KMT2C: variants seen among roughly 807,000 people sequenced by gnomAD.
The protein encoded by KMT2C is histone-lysine N-methyltransferase 2C.
Under a neutral mutation model 507.9 loss-of-function variants are expected in KMT2C, and 88 were observed. The ratio of observed to expected loss-of-function variants is 0.17; its 90% CI spans 0.15 to 0.21. The LOEUF is 0.21. KMT2C is among the 10% of genes least tolerant of loss of function. The pLI is 1.00. For missense variants in KMT2C, 4,954 were observed against 5,957.8 expected (o/e 0.83, Z 5.55); for synonymous variants, 2,049 against 2,080.8 (o/e 0.98, Z 0.42).
chr7:152,347,214 C>T (rs1216522438), intron 2 of KMT2C, among the ~76,000 whole-genome samples: 1 of 152,226 alleles, frequency 6.6e-6, no homozygotes, highest in Non-Finnish European at 1.5e-5. Flanking sequence ...CACCTGTTTA[C>T]AAGACTGTCT....
intron 6 of KMT2C, among the ~76,000 whole-genome samples, chr7:152,301,494 T>TTC (rs2096567936): frequency 6.6e-6 from 1 of 151,834 alleles, no homozygotes; most frequent in African/African-American, 2.4e-5. Flanking sequence ...GCTGACAGTG[T>TTC]GAGACTCCAT....
At chr7:152,231,692 A>G (rs1219526412) in intron 16 of KMT2C, among the ~76,000 whole-genome samples, 3 of 151,690 alleles carry the variant, frequency 2.0e-5, no homozygotes, top group African/African-American at 7.3e-5. Flanking sequence ...GAGGCAGGAG[A>G]ATCACTTGAA....
intron 1 of KMT2C, among the ~76,000 whole-genome samples, chr7:152,433,404 T>A (rs907103447): frequency 1.4e-5 from 2 of 142,004 alleles, no homozygotes; most frequent in Non-Finnish European, 3.0e-5. Flanking sequence ...TCTTATACAG[T>A]ATAGAGATAC....
chr7:152,230,688 CTA>C (rs1263313868), intron 16 of KMT2C, among the ~76,000 whole-genome samples: 2 of 152,114 alleles, frequency 1.3e-5, no homozygotes, highest in Admixed American at 6.5e-5. Context: ...TGCAATGTAG[CTA>C]GTCTGAACTG....
chr7:152,313,079 T>C (rs1310060964), intron 4 of KMT2C, among the ~76,000 whole-genome samples: 2 of 152,178 alleles, frequency 1.3e-5, no homozygotes, highest in Non-Finnish European at 2.9e-5. Context: ...GCATTAGAAA[T>C]GCATAGACTT....
At chr7:152,243,414 G>A (rs1220038809) in intron 14 of KMT2C, among the ~76,000 whole-genome samples, 1 of 152,128 alleles carries the variant, frequency 6.6e-6, no homozygotes, top group African/African-American at 2.4e-5. Flanking sequence ...ATAATATAAA[G>A]TAAACTTCTT....
Position 152,154,156 on chromosome 7 carries a change from G to C in KMT2C, c.12140-10C>G, listed in dbSNP as rs199532728. ...CTTCTTGATTCTGAACCTTTAAAAA[G>C]AGAGAAAAAAAAGAGGAAAATAGTG... On this transcript the variant is annotated splice_polypyrimidine_tract_variant and intron_variant, in intron 47 of 58. Transcript: ENST00000262189. The C allele has an allele frequency of 1.0e-4, 161 of 1,608,080 alleles. No individual in the cohort carries two copies. Among genetic ancestry groups the C allele is most frequent in the Non-Finnish European group, 1.2e-4 (146 of 1,178,384 alleles).
intron 13 of KMT2C, among the ~76,000 whole-genome samples, chr7:152,248,984 T>C (rs187455733): frequency 8.5e-5 from 13 of 152,292 alleles, no homozygotes; most frequent in African/African-American, 3.1e-4. Context: ...CATTTTCTAA[T>C]AGTAGATACC....
At chr7:152,243,172 A>C (rs2095415198) in intron 14 of KMT2C, among the ~76,000 whole-genome samples, 1 of 152,238 alleles carries the variant, frequency 6.6e-6, no homozygotes, top group African/African-American at 2.4e-5. Flanking sequence ...TTTGATAACT[A>C]CAGAAACAGC....
chr7:152,176,170 G>A (rs371908591), intron 38 of KMT2C, 21 bp downstream of exon 38: 25 of 1,565,664 alleles, frequency 1.6e-5, no homozygotes, highest in East Asian at 2.3e-5. Context: ...AATATACGTT[G>A]AGACTCAAGA....
intron 2 of KMT2C, among the ~76,000 whole-genome samples, chr7:152,349,302 G>C (rs1289477715): frequency 6.6e-6 from 1 of 151,988 alleles, no homozygotes; most frequent in Non-Finnish European, 1.5e-5. Flanking sequence ...AAAATAGCCA[G>C]GTGTGGTGGT....
chr7:152,270,592 T>G (rs990222727), intron 7 of KMT2C, among the ~76,000 whole-genome samples: 3 of 152,316 alleles, frequency 2.0e-5, no homozygotes, highest in African/African-American at 7.2e-5. Flanking sequence ...TCATGAATCA[T>G]GCCAAATCCA....
intron 3 of KMT2C, among the ~76,000 whole-genome samples, chr7:152,319,299 A>G: frequency 6.6e-6 from 1 of 152,096 alleles, no homozygotes; most frequent in South Asian, 2.1e-4. Flanking sequence ...TGTAGCAATT[A>G]CTCTTTATTC....
chr7:152,426,046 C>T (rs2097813983), intron 1 of KMT2C, among the ~76,000 whole-genome samples: 1 of 151,948 alleles, frequency 6.6e-6, no homozygotes, highest in African/African-American at 2.4e-5. Context: ...TATACAACTC[C>T]TAGGGAATTG....
At position 152,162,310 on chromosome 7, in the gene KMT2C, G is replaced by A; in HGVS notation, c.11267C>T (p.Ala3756Val). 6.2e-7 allele frequency: 1 copy of A among 1,614,238 alleles called. No individual in the cohort carries two copies. The highest frequency in any genetic ancestry group is 8.5e-7 in the Non-Finnish European group (1 of 1,180,036). Residue 3756 changes from alanine to valine, a missense_variant, in exon 43 of 59, where the codon GCA becomes GTA. Ala to Val is a moderately conservative substitution (Grantham distance 64). This residue lies in a region of KMT2C where 801 missense variants were observed against 751.2 expected (regional missense o/e 1.07). Coordinates refer to ENST00000262189, the MANE Select transcript of KMT2C (RefSeq NM_170606.3). ...CCCAGCAGAATGGGGAGGACTCTGT[G>A]CTGAGGAGACAGGACAGGCTACAGC... is the stretch of plus-strand genomic sequence containing the variant. Reference protein sequence around the residue: ...GNAVACPVSSAQSPPHSAGAP... With the variant: ...GNAVACPVSSVQSPPHSAGAP...
At position 152,154,329 on chromosome 7, in the gene KMT2C, T is replaced by C. The variant is rs1316467130; in HGVS notation, c.12077A>G (p.Glu4026Gly). Residue 4026 changes from glutamate to glycine, a missense_variant, in exon 47 of 59, where the codon GAG (glutamate) becomes GGG (glycine). By Grantham distance (98) the Glu-to-Gly change is moderately conservative (BLOSUM62 -2). Transcript: ENST00000262189. ...GGACGGCACCGGTTCTGGAGGCTCC[T>C]CCTTGACCAATGACAGATCTGGATA... ...SRYPDLSLVK[E>G]EPPEPVPSPI... 7.4e-6 allele frequency: 12 copies of C among 1,614,108 alleles called. No individual in the cohort carries two copies. The highest frequency in any genetic ancestry group is 1.3e-5 in the African/African-American group (1 of 74,932).
At chr7:152,429,953 A>G (rs2097851217) in intron 1 of KMT2C, among the ~76,000 whole-genome samples, 1 of 151,998 alleles carries the variant, frequency 6.6e-6, no homozygotes, top group Admixed American at 6.5e-5. Flanking sequence ...CGAGGCAGGC[A>G]GATCACCTGA....
intron 1 of KMT2C, among the ~76,000 whole-genome samples, chr7:152,425,453 T>C (rs754036518): frequency 2.6e-5 from 4 of 152,072 alleles, no homozygotes; most frequent in African/African-American, 4.8e-5. Flanking sequence ...GAGGGGCGCC[T>C]GTACTCTCAG....
At chr7:152,276,122 T>C (rs2096075181) in intron 6 of KMT2C, among the ~76,000 whole-genome samples, 1 of 152,114 alleles carries the variant, frequency 6.6e-6, no homozygotes, top group Non-Finnish European at 1.5e-5. Context: ...TATCAGTGAA[T>C]AAAAGAAGGA....
Sources: gnomAD v4.1 joint callset for allele counts (sites outside exome capture counted in the v4.1 genomes callset) on GRCh38, gnomAD v4.1.1 for gene constraint, gnomAD v4.1.1 regional missense constraint, MANE v1.5 for transcripts, NCBI Gene and HGNC (gene_info 2026-07-23, HGNC 2026-07-21) for gene names.